Variants in LPP observed in about 807,000 individuals in gnomAD.
The protein encoded by LPP is lipoma-preferred partner.
A neutral mutation model predicts 60.4 loss-of-function variants in LPP; 38 were observed. The observed-to-expected ratio is 0.63, with a 90% CI of 0.49 to 0.83. The LOEUF (loss-of-function observed/expected upper bound fraction) is 0.83, where lower values mean the gene tolerates loss of function less well. Among genes scored for constraint, LPP ranks in the 40% least tolerant of loss-of-function variants. LPP has a pLI of 0.00. For missense variants in LPP, 902 were observed against 783.6 expected (o/e 1.15, Z -1.80); for synonymous variants, 328 against 290.8 (o/e 1.13, Z -1.30).
intron 2 of LPP, among the ~76,000 whole-genome samples, chr3:188,267,726 T>C (rs1373411969): frequency 6.6e-6 from 1 of 152,242 alleles, no homozygotes; most frequent in East Asian, 1.9e-4. Context: ...ATCAGGAAGA[T>C]GTGTCCAGTA....
At chr3:188,581,458 T>G in intron 6 of LPP, among the ~76,000 whole-genome samples, 1 of 152,296 alleles carries the variant, frequency 6.6e-6, no homozygotes. Flanking sequence ...TGCAATTTAG[T>G]ACTGTTTATA....
chr3:188,793,387 G>A (rs1447015894), intron 9 of LPP, among the ~76,000 whole-genome samples: 1 of 151,988 alleles, frequency 6.6e-6, no homozygotes, highest in African/African-American at 2.4e-5. Context: ...TTGTCATGTT[G>A]GAGAGACTGG....
chr3:188,741,038 T>C lies in LPP; in HGVS notation c.1241-19075T>C, dbSNP rs552073838. 3.9e-5 allele frequency among the ~76,000 whole-genome samples: 6 copies of C among 152,070 alleles called. No individual in the cohort carries two copies. The South Asian group carries it at 1.0e-3, about 26-fold the overall frequency. ...ATAAATTTAAAAAGCATCAGTGTGT[T>C]TCACTGATATGCACAATCCCCCACT... On this transcript the variant is annotated intron_variant, in intron 8 of 11. Coordinates refer to ENST00000617246, the MANE Select transcript of LPP (RefSeq NM_001375462.1).
At chr3:188,209,839 G>A (rs1734234802) in intron 1 of LPP, among the ~76,000 whole-genome samples, 1 of 152,168 alleles carries the variant, frequency 6.6e-6, no homozygotes, top group East Asian at 1.9e-4. Flanking sequence ...CACAAGGCCA[G>A]CAGTATATAT....
At chr3:188,249,415 C>G (rs545479785) in intron 2 of LPP, among the ~76,000 whole-genome samples, 3 of 147,762 alleles carry the variant, frequency 2.0e-5, no homozygotes, top group African/African-American at 7.5e-5. Flanking sequence ...TGCCACTGGG[C>G]GACAGAGCAA....
At chr3:188,270,995 A>G (rs1323109613) in intron 2 of LPP, among the ~76,000 whole-genome samples, 1 of 152,158 alleles carries the variant, frequency 6.6e-6, no homozygotes, top group Non-Finnish European at 1.5e-5. Context: ...CGAGATTTCT[A>G]CTATTTCTGT....
chr3:188,529,873 T>C (rs540950981), intron 6 of LPP, among the ~76,000 whole-genome samples: 1 of 152,308 alleles, frequency 6.6e-6, no homozygotes, highest in African/African-American at 2.4e-5. Context: ...GGCTTCAATG[T>C]GCTACTTAAA....
chr3:188,734,248 G>A (rs562843480), intron 8 of LPP, among the ~76,000 whole-genome samples: 2 of 152,202 alleles, frequency 1.3e-5, no homozygotes, highest in South Asian at 2.1e-4. Context: ...TTATAATTCA[G>A]TCATTCTTCC....
rs17350636 is a variant in LPP, at chr3:188,182,201, T to C, written c.-190+27949T>C. On this transcript the variant is annotated intron_variant, in intron 1 of 11. Coordinates refer to ENST00000617246, the MANE Select transcript of LPP (RefSeq NM_001375462.1). This position sits in a 1 kb window ranked among gnomAD's most constrained non-coding sequence, Gnocchi z 4.4. ...AGGCTGCAAGTTTATCCCTTCACAATGCCTACATTTAGATTGCAACTCCAG... is the reference window on the plus strand; with the variant it reads ...AGGCTGCAAGTTTATCCCTTCACAACGCCTACATTTAGATTGCAACTCCAG... Among the ~76,000 whole-genome samples the C allele has an allele frequency of 0.042, 6,448 of 152,280 alleles. 198 individuals carry two copies. Among genetic ancestry groups the C allele is most frequent in the Non-Finnish European group, 0.066 (4,467 of 68,016 alleles).
chr3:188,523,121 G>T (rs182543485), intron 5 of LPP, among the ~76,000 whole-genome samples: 30 of 152,058 alleles, frequency 2.0e-4, no homozygotes, highest in African/African-American at 7.0e-4. Flanking sequence ...TGGCCAGGCT[G>T]GTCTTGAACT....
At chr3:188,842,922 C>T (rs1225381587) in intron 9 of LPP, among the ~76,000 whole-genome samples, 1 of 152,158 alleles carries the variant, frequency 6.6e-6, no homozygotes, top group Non-Finnish European at 1.5e-5. Flanking sequence ...GACTTTCTGA[C>T]CTCTATCACC....
chr3:188,565,466 G>A (rs2150750869), intron 6 of LPP, among the ~76,000 whole-genome samples: 1 of 151,994 alleles, frequency 6.6e-6, no homozygotes, highest in African/African-American at 2.4e-5. Flanking sequence ...TTTCATTCTG[G>A]TTTTAAAACG....
chr3:188,239,789 G>A (rs1056628807), intron 2 of LPP: 18 of 215,118 alleles, frequency 8.4e-5, no homozygotes, highest in East Asian at 6.9e-4. Flanking sequence ...TATTGATTGC[G>A]CAACATCATG....
At chr3:188,330,924 CTTT>C (rs1759868953) in intron 2 of LPP, among the ~76,000 whole-genome samples, 1 of 151,966 alleles carries the variant, frequency 6.6e-6, no homozygotes, top group Non-Finnish European at 1.5e-5. Flanking sequence ...GTGACTTACT[CTTT>C]TTAATTTTTT....
At chr3:188,765,856 C>T (rs55749541) in intron 9 of LPP, among the ~76,000 whole-genome samples, 2 of 121,682 alleles carry the variant, frequency 1.6e-5, no homozygotes, top group African/African-American at 3.2e-5. Flanking sequence ...ACTTAATGTT[C>T]AACTCTTTTT....
At chr3:188,265,245 A>C (rs1325138121) in intron 2 of LPP, among the ~76,000 whole-genome samples, 1 of 152,162 alleles carries the variant, frequency 6.6e-6, no homozygotes, top group Non-Finnish European at 1.5e-5. Flanking sequence ...ATCGCTAAAG[A>C]TGCTTTTCCG....
intron 2 of LPP, among the ~76,000 whole-genome samples, chr3:188,281,601 C>CAAAAAAAAAA (rs1167297915): frequency 4.5e-5 from 3 of 66,536 alleles, no homozygotes; most frequent in South Asian, 8.5e-4. Context: ...AAGACTCTAC[C>CAAAAAAAAAA]AAAAAAAAAA....
At chr3:188,523,344 A>T (rs569655080) in intron 5 of LPP, among the ~76,000 whole-genome samples, 1 of 152,260 alleles carries the variant, frequency 6.6e-6, no homozygotes. Context: ...CCCAGGAAGG[A>T]TTAACTCAAG....
rs1050368695 is a variant in LPP, at chr3:188,888,532, C to T, written c.*14053C>T. On this transcript the variant is annotated 3_prime_UTR_variant, in exon 12 of 12. Coordinates refer to ENST00000617246, the MANE Select transcript of LPP (RefSeq NM_001375462.1). ...TGCGAGACTGACTCAAATCTGTGAT[C>T]TTCTGTTCAGCATACACATCAGCAA... is the stretch of plus-strand genomic sequence containing the variant. 1.8e-5 allele frequency: 4 copies of T among 227,742 alleles called. No homozygotes were observed. The highest frequency in any genetic ancestry group is 3.5e-5 in the Non-Finnish European group (4 of 114,256). 14.1% of individuals were successfully genotyped at this position (227,742 alleles called of 1,614,324 possible).
Sources: allele counts gnomAD v4.1 joint callset (sites outside exome capture counted in the v4.1 genomes callset), GRCh38; gene constraint gnomAD v4.1.1; non-coding constraint Gnocchi (gnomAD v3.1); transcripts MANE v1.5; gene names NCBI Gene and HGNC (gene_info 2026-07-23, HGNC 2026-07-21).